TMCC3: variants seen among roughly 807,000 people sequenced by gnomAD.
TMCC3 encodes the protein transmembrane and coiled-coil domain family 3.
Under a neutral mutation model 40.2 loss-of-function variants are expected in TMCC3, and 28 were observed. The observed-to-expected ratio is 0.70, with a 90% CI of 0.52 to 0.95. The LOEUF is 0.95. TMCC3 is among the 40% of genes least tolerant of loss of function. The pLI, the probability that TMCC3 is intolerant of heterozygous loss-of-function variation, is 0.00. For missense variants in TMCC3, 554 were observed against 615.2 expected (o/e 0.90, Z 1.05); for synonymous variants, 255 against 248.5 (o/e 1.03, Z -0.25).
At chr12:94,608,228 C>T (rs1309265201) in intron 1 of TMCC3, among the ~76,000 whole-genome samples, 1 of 152,158 alleles carries the variant, frequency 6.6e-6, no homozygotes, top group Non-Finnish European at 1.5e-5. Context: ...CGTAATTAGA[C>T]AAGAATTAAA....
chr12:94,572,868 C>T (rs1278318855), intron 3 of TMCC3, among the ~76,000 whole-genome samples: 1 of 152,042 alleles, frequency 6.6e-6, no homozygotes, highest in African/African-American at 2.4e-5. Context: ...TGTGCTTTCA[C>T]CTGCTCTCTG....
At chr12:94,588,298 C>T (rs1432116386) in intron 1 of TMCC3, among the ~76,000 whole-genome samples, 1 of 152,118 alleles carries the variant, frequency 6.6e-6, no homozygotes, top group Non-Finnish European at 1.5e-5. Context: ...ACACCACCCA[C>T]CCCCCAGCAA....
chr12:94,573,510 C>T (rs1256580022), intron 3 of TMCC3, among the ~76,000 whole-genome samples: 1 of 152,078 alleles, frequency 6.6e-6, no homozygotes, highest in African/African-American at 2.4e-5. Flanking sequence ...GGTTCAGCTC[C>T]CTCTCCTCCC....
At chr12:94,628,884 C>A (rs566322596) in intron 1 of TMCC3, among the ~76,000 whole-genome samples, 1 of 152,186 alleles carries the variant, frequency 6.6e-6, no homozygotes. Flanking sequence ...TTCCAAACAG[C>A]AAATAAAACC....
At chr12:94,618,184 T>C (rs1431668579) in intron 1 of TMCC3, among the ~76,000 whole-genome samples, 1 of 152,238 alleles carries the variant, frequency 6.6e-6, no homozygotes, top group African/African-American at 2.4e-5. Context: ...TCATTTTTCT[T>C]CAGCGTTTGC....
chr12:94,644,848 A>G (rs1406197168), intron 1 of TMCC3, among the ~76,000 whole-genome samples: 2 of 152,242 alleles, frequency 1.3e-5, no homozygotes, highest in Non-Finnish European at 2.9e-5. Flanking sequence ...GAAGGGCTAC[A>G]GCATCCTCTT....
chr12:94,589,531 G>GA (rs2068659311), intron 1 of TMCC3, among the ~76,000 whole-genome samples: 2 of 152,290 alleles, frequency 1.3e-5, no homozygotes, highest in South Asian at 4.1e-4. Context: ...TTAGTGACAT[G>GA]TGTAGTACCT....
intron 1 of TMCC3, among the ~76,000 whole-genome samples, chr12:94,593,238 G>A (rs2068689813): frequency 6.7e-6 from 1 of 149,974 alleles, no homozygotes; most frequent in South Asian, 2.1e-4. Context: ...ATGGTGGCGG[G>A]TGCCTGTAAT....
intron 3 of TMCC3, among the ~76,000 whole-genome samples, chr12:94,574,844 C>T (rs1224858539): frequency 1.3e-5 from 2 of 152,204 alleles, no homozygotes; most frequent in Non-Finnish European, 2.9e-5. Flanking sequence ...TTAGGAAAAT[C>T]CATGAATCTT....
rs138078732 is a variant in TMCC3 at position 94,594,865 on chromosome 12, G to A, written c.79-12327C>T. Among the ~76,000 whole-genome samples, 522 of 152,266 alleles carry A rather than the reference G, an allele frequency of 3.4e-3. 5 individuals carry two copies. The highest frequency in any genetic ancestry group is 0.027 in the Middle Eastern group (8 of 294). On this transcript the variant is annotated intron_variant, in intron 1 of 3. Coordinates refer to ENST00000261226, the MANE Select transcript of TMCC3 (RefSeq NM_020698.4). ...CTGTACTTAGTGTAAGTTTCTAAACGATAGTTACAAATCCAGCACCTGTCT... is the reference window on the plus strand; with the variant it reads ...CTGTACTTAGTGTAAGTTTCTAAACAATAGTTACAAATCCAGCACCTGTCT...
intron 1 of TMCC3, among the ~76,000 whole-genome samples, chr12:94,628,902 G>A (rs2068917576): frequency 6.6e-6 from 1 of 152,292 alleles, no homozygotes; most frequent in South Asian, 2.1e-4. Context: ...ACCTCACTGA[G>A]AGATGGCACT....
At chr12:94,571,885 G>A (rs2068531649) in intron 3 of TMCC3, 148 bp from the exon 4 acceptor site, 1 of 728,164 alleles carries the variant, frequency 1.4e-6, no homozygotes, top group Admixed American at 2.9e-5. Context: ...GATGGTGATA[G>A]ACAAAGATGT....
At chr12:94,575,280 T>C (rs537158895) in intron 3 of TMCC3, among the ~76,000 whole-genome samples, 16 of 152,364 alleles carry the variant, frequency 1.1e-4, no homozygotes, top group South Asian at 6.2e-4. Context: ...GGATTGTGGC[T>C]ACTCCCGGAT....
intron 1 of TMCC3, among the ~76,000 whole-genome samples, chr12:94,602,195 C>T (rs1333270865): frequency 6.6e-6 from 1 of 152,190 alleles, no homozygotes; most frequent in African/African-American, 2.4e-5. Context: ...GCTGAGTCTA[C>T]TAATCTCTCC....
Position 94,590,806 on chromosome 12 carries a change from C to T in TMCC3, c.79-8268G>A, listed in dbSNP as rs17022795. ...TGTTCTCAGGAGAGGCGGGAGACGG[C>T]GCAGGGTCTGAAACATGGGGGACGA... On this transcript the variant is annotated intron_variant, in intron 1 of 3. Coordinates refer to ENST00000261226, the MANE Select transcript of TMCC3 (RefSeq NM_020698.4). 1,015 of 472,286 alleles carry T rather than the reference C, an allele frequency of 2.1e-3. 23 individuals carry two copies. In the East Asian group the frequency reaches 0.047, roughly 22 times the overall value. The allele number at this position is 472,286 out of a possible 1,614,324, so 29.3% of individuals were successfully genotyped here.
chr12:94,601,699 T>C (rs562993986), intron 1 of TMCC3, among the ~76,000 whole-genome samples: 7 of 145,146 alleles, frequency 4.8e-5, no homozygotes, highest in African/African-American at 7.8e-5. Context: ...TGCCAGCTAA[T>C]TGGGGAGGTT....
At chr12:94,596,423 T>G (rs747875140) in intron 1 of TMCC3, among the ~76,000 whole-genome samples, 24 of 152,282 alleles carry the variant, frequency 1.6e-4, no homozygotes, top group South Asian at 6.2e-4. Flanking sequence ...TCTATGTCTG[T>G]TCCTCACCCT....
chr12:94,649,773 T>A (rs2069042786), intron 1 of TMCC3, among the ~76,000 whole-genome samples: 1 of 152,222 alleles, frequency 6.6e-6, no homozygotes, highest in African/African-American at 2.4e-5. Context: ...CTGCAAACAA[T>A]GGCGAGGGCG....
At chr12:94,613,044 G>C (rs2138861070) in intron 1 of TMCC3, among the ~76,000 whole-genome samples, 1 of 151,868 alleles carries the variant, frequency 6.6e-6, no homozygotes, top group South Asian at 2.1e-4. Flanking sequence ...CAATAAAATG[G>C]AGAGATATAT....
Sources: allele counts gnomAD v4.1 joint callset (sites outside exome capture counted in the v4.1 genomes callset), GRCh38; gene constraint gnomAD v4.1.1; transcripts MANE v1.5; gene names NCBI Gene and HGNC (gene_info 2026-07-23, HGNC 2026-07-21).